SPTBN1: variants seen among roughly 807,000 people sequenced by gnomAD.
SPTBN1 encodes spectrin beta chain, non-erythrocytic 1.
Under a neutral mutation model 266.4 loss-of-function variants are expected in SPTBN1, and 32 were observed. That is an observed-to-expected ratio of 0.12 (90% confidence interval 0.09 to 0.16). The LOEUF (loss-of-function observed/expected upper bound fraction) is 0.16, where lower values mean the gene tolerates loss of function less well. SPTBN1 is among the 10% of genes least tolerant of loss of function. The probability of loss-of-function intolerance (pLI) is 1.00; values close to 1 mark genes in which losing one functional copy is unlikely to be tolerated. For synonymous variants in SPTBN1, 1,336 were observed against 1,162.2 expected, an observed-to-expected ratio of 1.15 and a Z score of -3.04; for missense variants, 2,296 against 3,067.1, an observed-to-expected ratio of 0.75 and a Z score of 5.94.
chr2:54,621,591 A>G (rs12713274), intron 8 of SPTBN1, 79 bp downstream of exon 8: 300,373 of 1,196,678 alleles, frequency 0.25, 40,622 homozygotes, highest in African/African-American at 0.52. Flanking sequence ...CACTCATAAA[A>G]TTTGCCAATA....
chr2:54,477,013 C>T (rs1220412522), intron 1 of SPTBN1, among the ~76,000 whole-genome samples: 1 of 94,568 alleles, frequency 1.1e-5, no homozygotes, highest in African/African-American at 6.7e-5. Flanking sequence ...CCAAACACAC[C>T]GAGTTTTTTT....
intron 1 of SPTBN1, among the ~76,000 whole-genome samples, chr2:54,467,321 A>G (rs955195862): frequency 4.6e-5 from 7 of 152,006 alleles, no homozygotes; most frequent in African/African-American, 9.7e-5. Context: ...CCTTAAAACA[A>G]TGTTATTTAT....
chr2:54,490,535 A>T (rs552799226), intron 1 of SPTBN1, among the ~76,000 whole-genome samples: 1 of 152,198 alleles, frequency 6.6e-6, no homozygotes, highest in East Asian at 1.9e-4. Flanking sequence ...ATTCTCCAGA[A>T]ATTTCTGATT....
intron 32 of SPTBN1, chr2:54,661,845 G>C (rs1007261525): frequency 1.0e-6 from 1 of 985,304 alleles, no homozygotes; most frequent in Admixed American, 6.1e-5. Context: ...AAGCACACAA[G>C]AAAAGAGTGC....
At chr2:54,553,294 G>C (rs758390169) in intron 2 of SPTBN1, among the ~76,000 whole-genome samples, 1 of 152,166 alleles carries the variant, frequency 6.6e-6, no homozygotes, top group Admixed American at 6.5e-5. Flanking sequence ...AATGATCTCA[G>C]TTAAGGATTC....
Position 54,668,652 on chromosome 2 carries a change from C to A in SPTBN1, c.*83C>A. On this transcript the variant is annotated 3_prime_UTR_variant, in exon 36 of 36. Transcript: ENST00000356805. ...AAGCTCAGAACCAACACATTACTCT[C>A]TGTGCCTAATGTTCCTCAATGTGGT... is the stretch of plus-strand genomic sequence containing the variant. 9 of 1,330,486 alleles carry A rather than the reference C, an allele frequency of 6.8e-6. No individual in the cohort carries two copies. Among genetic ancestry groups the A allele is most frequent in the Non-Finnish European group, 8.3e-6 (8 of 959,384 alleles). The allele number at this position is 1,330,486 out of a possible 1,614,324, so 82.4% of individuals were successfully genotyped here.
intron 1 of SPTBN1, among the ~76,000 whole-genome samples, chr2:54,460,767 A>C (rs1024139168): frequency 6.6e-6 from 1 of 152,086 alleles, no homozygotes; most frequent in African/African-American, 2.4e-5. Context: ...TGGGATGCCG[A>C]GTGGGGGCGG....
At chr2:54,524,062 G>C (rs553300601) in intron 1 of SPTBN1, among the ~76,000 whole-genome samples, 1 of 152,298 alleles carries the variant, frequency 6.6e-6, no homozygotes, top group African/African-American at 2.4e-5. Context: ...AGCTGGGCAT[G>C]GTGGCTCGCG....
At chr2:54,552,075 C>T (rs540049722) in intron 2 of SPTBN1, among the ~76,000 whole-genome samples, 139 of 152,242 alleles carry the variant, frequency 9.1e-4, no homozygotes, top group African/African-American at 3.1e-3. Flanking sequence ...GAGGACTGGT[C>T]CTGCCACTGA....
intron 26 of SPTBN1, chr2:54,652,421 ATTCTTT>A (rs1324332404): frequency 6.6e-6 from 1 of 152,160 alleles, no homozygotes; most frequent in East Asian, 1.9e-4. Flanking sequence ...GCCCTTCCTC[ATTCTTT>A]TTCATGGCTG....
intron 2 of SPTBN1, among the ~76,000 whole-genome samples, chr2:54,560,490 C>G (rs558183036): frequency 1.4e-3 from 208 of 152,144 alleles, no homozygotes; most frequent in African/African-American, 2.0e-3. Flanking sequence ...AACTGCTCGC[C>G]GAGAAGGGTG....
At position 54,557,670 on chromosome 2, in the gene SPTBN1, G is replaced by A. The variant is rs1672965364; in HGVS notation, c.148+31104G>A. On this transcript the variant is annotated intron_variant, in intron 2 of 35. Coordinates refer to ENST00000356805, the MANE Select transcript of SPTBN1 (RefSeq NM_003128.3). ...TCAGGGATCTCGGCGGTGTTTACCT[G>A]TGTACCTTTTTCCCACAATGCCTTG... The A allele has an allele frequency of 6.2e-6, 6 of 970,046 alleles. No individual in the cohort carries two copies. The South Asian group carries it at 2.4e-4, about 38-fold the overall frequency. The allele number at this position is 970,046 out of a possible 1,614,324, so 60.1% of individuals were successfully genotyped here.
chr2:54,626,356 C>G lies in SPTBN1; in HGVS notation c.1644+122C>G, dbSNP rs1411413147. Reference sequence around the variant, plus strand: ...CTTGTCTAACTGCCCACATGTACAGCTAGAGAGGAGCCACATCACCCATGG... The same window carrying G: ...CTTGTCTAACTGCCCACATGTACAGGTAGAGAGGAGCCACATCACCCATGG... On this transcript the variant is annotated intron_variant, in intron 12 of 35. Coordinates refer to ENST00000356805, the MANE Select transcript of SPTBN1 (RefSeq NM_003128.3). The surrounding 1 kb of genome is among the most constrained non-coding windows in gnomAD (Gnocchi z 4.7). The G allele has an allele frequency of 4.1e-6, 5 of 1,223,134 alleles. No individual in the cohort carries two copies. Among genetic ancestry groups the G allele is most frequent in the Non-Finnish European group, 5.6e-6 (5 of 891,996 alleles). 75.8% of individuals were successfully genotyped at this position (1,223,134 alleles called of 1,614,324 possible). A position where few individuals can be genotyped will look rare whatever the true frequency, so the allele number is the denominator to read the frequency against.
At chr2:54,661,937 C>T (rs951393769) in intron 32 of SPTBN1, 1 of 985,300 alleles carries the variant, frequency 1.0e-6, no homozygotes, top group Non-Finnish European at 1.2e-6. Flanking sequence ...ATTTTAATTA[C>T]AATTGGCTTG....
At chr2:54,569,977 C>G (rs1040538184) in intron 2 of SPTBN1, among the ~76,000 whole-genome samples, 1 of 149,008 alleles carries the variant, frequency 6.7e-6, no homozygotes, top group Non-Finnish European at 1.5e-5. Flanking sequence ...CCATTCCCCC[C>G]CCCCTTTAGA....
intron 2 of SPTBN1, chr2:54,529,462 G>C (rs1456141911): frequency 3.1e-5 from 22 of 713,402 alleles, no homozygotes; most frequent in Non-Finnish European, 5.5e-5. Context: ...AAAAAAAGAA[G>C]ATCCGCATGT....
In SPTBN1 at chr2:54,670,870, A is replaced by T. The variant is rs768771559; in HGVS notation, c.*2301A>T. ...AGCGAGAGGAGCGTCAGAAGACCCC[A>T]GTCAAGACGTGTTCGCCATCAGAGG... On this transcript the variant is annotated 3_prime_UTR_variant, in exon 36 of 36. Coordinates refer to ENST00000356805, the MANE Select transcript of SPTBN1 (RefSeq NM_003128.3). 8 of 398,430 alleles carry T rather than the reference A, an allele frequency of 2.0e-5. No individual in the cohort carries two copies. The highest frequency in any genetic ancestry group is 3.1e-5 in the Non-Finnish European group (7 of 226,046). 24.7% of individuals were successfully genotyped at this position (398,430 alleles called of 1,614,324 possible).
intron 1 of SPTBN1, among the ~76,000 whole-genome samples, chr2:54,500,080 A>G (rs1186787337): frequency 6.6e-6 from 1 of 152,168 alleles, no homozygotes; most frequent in Non-Finnish European, 1.5e-5. Context: ...GTGATCTGTA[A>G]TCTACTAAAA....
rs1265414403 is a variant in SPTBN1 at position 54,660,007 on chromosome 2, A to G, written c.6420+8A>G. ...GAACAGGGATCTCCACGGGTTAGTT[A>G]CCGCTCTCAAACCTACCAAAACTAC... On this transcript the variant is annotated splice_region_variant and intron_variant, in intron 32 of 35. Transcript: ENST00000356805. 1 of 1,614,188 alleles carries G rather than the reference A, an allele frequency of 6.2e-7. No homozygotes were observed. Among genetic ancestry groups the G allele is most frequent in the Admixed American group, 1.7e-5 (1 of 60,018 alleles).
Sources: allele counts gnomAD v4.1 joint callset (sites outside exome capture counted in the v4.1 genomes callset), GRCh38; gene constraint gnomAD v4.1.1; non-coding constraint Gnocchi (gnomAD v3.1); transcripts MANE v1.5; gene names NCBI Gene and HGNC (gene_info 2026-07-23, HGNC 2026-07-21).